ELP4: variants seen among roughly 807,000 people sequenced by gnomAD.
ELP4 encodes the protein elongator complex protein 4.
In ELP4, 51 loss-of-function variants were observed where a neutral mutation model predicts 48.9. That is an observed-to-expected ratio of 1.04 (90% CI 0.83 to 1.32). The LOEUF is 1.32. Among genes scored for constraint, ELP4 ranks in the 40% most tolerant of loss-of-function variants. ELP4 has a pLI of 0.00. For missense variants in ELP4, 519 were observed against 514.6 expected (o/e 1.01, Z -0.08); for synonymous variants, 210 against 189.2 (o/e 1.11, Z -0.90).
At chr11:31,604,306 T>A (rs1957832531) in intron 5 of ELP4, among the ~76,000 whole-genome samples, 1 of 151,834 alleles carries the variant, frequency 6.6e-6, no homozygotes. Flanking sequence ...TTTGCTTAAT[T>A]TAATTTTTTG....
chr11:31,643,892 C>T (rs1359288269), intron 7 of ELP4, among the ~76,000 whole-genome samples: 1 of 151,700 alleles, frequency 6.6e-6, no homozygotes, highest in African/African-American at 2.4e-5. Context: ...ATTTGCTTTG[C>T]TTATTTGCAA....
At chr11:31,540,391 T>C (rs1462160119) in intron 3 of ELP4, among the ~76,000 whole-genome samples, 1 of 152,258 alleles carries the variant, frequency 6.6e-6, no homozygotes, top group Non-Finnish European at 1.5e-5. Flanking sequence ...ATAAGAATTT[T>C]AAATATTTTA....
intron 9 of ELP4, among the ~76,000 whole-genome samples, chr11:31,701,449 T>G (rs1285646089): frequency 6.6e-6 from 1 of 151,942 alleles, no homozygotes; most frequent in Non-Finnish European, 1.5e-5. Flanking sequence ...AAAATAAGAT[T>G]TTTTATTAGT....
intron 9 of ELP4, among the ~76,000 whole-genome samples, chr11:31,722,713 CTCTCTCTCTCTCTT>C (rs1565127012): frequency 1.1e-5 from 1 of 92,632 alleles, no homozygotes; most frequent in Non-Finnish European, 2.0e-5. Context: ...CTCTTTCTCT[CTCTCTCTCTCTCTT>C]TCTCTCTCCC....
At chr11:31,764,467 G>A (rs1319037897) in intron 9 of ELP4, among the ~76,000 whole-genome samples, 1 of 152,180 alleles carries the variant, frequency 6.6e-6, no homozygotes, top group Non-Finnish European at 1.5e-5. Context: ...GTGCTCATTT[G>A]TCTCAGGGAG....
chr11:31,788,742 C>G lies in ELP4; in HGVS notation c.*5218C>G, dbSNP rs556014842. 6.6e-5 allele frequency: 14 copies of G among 212,304 alleles called. No homozygotes were observed. Among genetic ancestry groups the G allele is most frequent in the South Asian group, 1.9e-4 (1 of 5,336 alleles). The allele number at this position is 212,304 out of a possible 1,614,324, so 13.2% of individuals were successfully genotyped here. The stretch of plus-strand genomic sequence containing the variant: ...GTTGTGGGTATAAATGGGCACAGAT[C>G]TACACCCTGCTGTAAGTGGAATTTT... On this transcript the variant is annotated 3_prime_UTR_variant, in exon 10 of 10. Transcript: ENST00000640961.
chr11:31,747,936 T>C (rs1947632598), intron 9 of ELP4, among the ~76,000 whole-genome samples: 1 of 152,232 alleles, frequency 6.6e-6, no homozygotes, highest in Non-Finnish European at 1.5e-5. Flanking sequence ...TAGTGTTTAG[T>C]GCCAAACAAC....
At chr11:31,739,718 CAT>C (rs1453951948) in intron 9 of ELP4, among the ~76,000 whole-genome samples, 3 of 152,120 alleles carry the variant, frequency 2.0e-5, no homozygotes, top group Non-Finnish European at 4.4e-5. Context: ...ATTCATATAC[CAT>C]ATGTTTACCT....
intron 5 of ELP4, among the ~76,000 whole-genome samples, chr11:31,609,329 T>A (rs1272332538): frequency 1.3e-5 from 2 of 152,142 alleles, no homozygotes; most frequent in Non-Finnish European, 2.9e-5. Context: ...AAAGCCAGGT[T>A]GAGAAGGTCT....
chr11:31,593,175 T>C (rs960445340), intron 3 of ELP4, among the ~76,000 whole-genome samples: 1 of 152,162 alleles, frequency 6.6e-6, no homozygotes, highest in Admixed American at 6.5e-5. Context: ...TCTCTGTATT[T>C]TACATTTTTA....
intron 2 of ELP4, among the ~76,000 whole-genome samples, chr11:31,531,455 A>G (rs991144171): frequency 1.3e-5 from 2 of 152,334 alleles, no homozygotes; most frequent in South Asian, 2.1e-4. Flanking sequence ...GCTCCAGAGC[A>G]CACTGATATC....
chr11:31,712,518 C>T (rs1485523855), intron 9 of ELP4, among the ~76,000 whole-genome samples: 1 of 151,982 alleles, frequency 6.6e-6, no homozygotes, highest in African/African-American at 2.4e-5. Context: ...TAAGAGGCTT[C>T]TATTAGCTTG....
chr11:31,783,586 C>A lies in ELP4; in HGVS notation c.*62C>A. ...ACACTCTAATTATGATTGCTAATAG[C>A]TTATGTAAATATTTTTCTTAACAAT... On this transcript the variant is annotated 3_prime_UTR_variant, in exon 10 of 10. Transcript: ENST00000640961. The A allele has an allele frequency of 5.4e-6, 8 of 1,475,898 alleles. No homozygotes were observed. The highest frequency in any genetic ancestry group is 7.4e-6 in the Non-Finnish European group (8 of 1,084,310). 91.4% of individuals were successfully genotyped at this position (1,475,898 alleles called of 1,614,324 possible).
intron 9 of ELP4, among the ~76,000 whole-genome samples, chr11:31,768,922 T>G (rs1367271653): frequency 1.3e-5 from 2 of 152,194 alleles, no homozygotes; most frequent in Admixed American, 1.3e-4. Context: ...AACCTGCCTT[T>G]GGGCAGCACA....
intron 3 of ELP4, 62 bp downstream of exon 3, chr11:31,539,845 T>C: frequency 7.1e-7 from 1 of 1,418,016 alleles, no homozygotes; most frequent in Non-Finnish European, 9.5e-7. Context: ...ATTGTTTATA[T>C]ATGTAAACAA....
At chr11:31,621,060 T>G (rs1017720064) in intron 5 of ELP4, among the ~76,000 whole-genome samples, 1 of 151,946 alleles carries the variant, frequency 6.6e-6, no homozygotes, top group Non-Finnish European at 1.5e-5. Flanking sequence ...ACGGTCTCTA[T>G]AGTCACATGC....
At chr11:31,538,502 A>G (rs1209183334) in intron 2 of ELP4, among the ~76,000 whole-genome samples, 1 of 150,114 alleles carries the variant, frequency 6.7e-6, no homozygotes, top group East Asian at 1.9e-4. Flanking sequence ...CTTCCATACG[A>G]TATTGATTAG....
intron 9 of ELP4, among the ~76,000 whole-genome samples, chr11:31,745,129 T>A (rs569704230): frequency 6.6e-6 from 1 of 152,168 alleles, no homozygotes; most frequent in South Asian, 2.1e-4. Context: ...ATGAGTGAAC[T>A]CCCATTCACA....
chr11:31,517,947 T>A (rs180902283), intron 1 of ELP4, among the ~76,000 whole-genome samples: 46 of 152,230 alleles, frequency 3.0e-4, no homozygotes, highest in Admixed American at 7.9e-4. Flanking sequence ...AATTATACTT[T>A]AAATACATTT....
Sources: gnomAD v4.1 joint callset for allele counts (sites outside exome capture counted in the v4.1 genomes callset) on GRCh38, gnomAD v4.1.1 for gene constraint, MANE v1.5 for transcripts, NCBI Gene and HGNC (gene_info 2026-07-23, HGNC 2026-07-21) for gene names.